Variants in ULK4 observed in about 807,000 individuals in gnomAD.
ULK4 encodes inactive serine/threonine-protein kinase ULK4.
ULK4 carries 133 observed loss-of-function variants against 160.6 expected under a neutral mutation model. That is an observed-to-expected ratio of 0.83 (90% CI 0.72 to 0.96). The LOEUF (loss-of-function observed/expected upper bound fraction) is 0.96, where lower values mean the gene tolerates loss of function less well. ULK4 is among the 40% of genes least tolerant of loss of function. The pLI is 0.00. For synonymous variants in ULK4, 534 were observed against 539.8 expected (o/e 0.99, Z 0.15); for missense variants, 1,580 against 1,499.5 (o/e 1.05, Z -0.89).
At chr3:41,405,130 T>C (rs939490030) in intron 34 of ULK4, among the ~76,000 whole-genome samples, 5 of 152,062 alleles carry the variant, frequency 3.3e-5, no homozygotes, top group African/African-American at 1.2e-4. Flanking sequence ...CCACCCTCTC[T>C]TTCTTTCCAA....
chr3:41,411,580 G>C (rs1431825534), intron 34 of ULK4, among the ~76,000 whole-genome samples: 1 of 151,722 alleles, frequency 6.6e-6, no homozygotes, highest in African/African-American at 2.4e-5. Context: ...GGGATTACAG[G>C]TGCCACCATG....
chr3:41,901,381 C>T (rs1396825838), intron 12 of ULK4, among the ~76,000 whole-genome samples: 4 of 150,884 alleles, frequency 2.7e-5, no homozygotes, highest in Non-Finnish European at 5.9e-5. Context: ...AGGGTTTCAC[C>T]GTGTTAGCCA....
At chr3:41,879,348 A>G (rs1261491294) in intron 17 of ULK4, among the ~76,000 whole-genome samples, 3 of 152,188 alleles carry the variant, frequency 2.0e-5, no homozygotes, top group African/African-American at 7.2e-5. Context: ...CTCCAGCAAG[A>G]AAGAGAGAGG....
chr3:41,890,243 T>C (rs2148778235), intron 16 of ULK4, among the ~76,000 whole-genome samples: 1 of 151,862 alleles, frequency 6.6e-6, no homozygotes, highest in South Asian at 2.1e-4. Context: ...TATACCTCAA[T>C]AAACAAGAGA....
At chr3:41,960,307 AGC>A (rs1204325267) in intron 1 of ULK4, among the ~76,000 whole-genome samples, 1 of 152,224 alleles carries the variant, frequency 6.6e-6, no homozygotes, top group African/African-American at 2.4e-5. Context: ...GTTACTTTCA[AGC>A]ATTTCTCCTC....
At chr3:41,480,075 C>T (rs1270049036) in intron 32 of ULK4, among the ~76,000 whole-genome samples, 9 of 151,872 alleles carry the variant, frequency 5.9e-5, no homozygotes, top group African/African-American at 1.2e-4. Flanking sequence ...GGCGTGGTGG[C>T]GGGCGCCTGT....
intron 21 of ULK4, among the ~76,000 whole-genome samples, chr3:41,785,285 C>G (rs905182293): frequency 6.6e-6 from 1 of 152,106 alleles, no homozygotes; most frequent in Admixed American, 6.5e-5. Flanking sequence ...CATTTAATGA[C>G]ATAGTAAAAT....
At chr3:41,307,933 T>A (rs1265645976) in intron 35 of ULK4, among the ~76,000 whole-genome samples, 1 of 152,180 alleles carries the variant, frequency 6.6e-6, no homozygotes, top group African/African-American at 2.4e-5. Context: ...GGAGCTGTTG[T>A]GGCTGCCTCA....
rs145177882 is a variant in ULK4 at position 41,932,468 on chromosome 3, T to G, written c.379-462A>C. On this transcript the variant is annotated intron_variant, in intron 4 of 36. Coordinates refer to ENST00000301831, the MANE Select transcript of ULK4 (RefSeq NM_017886.4). ...TACTTGCTGTCTGACCTTAAAGAATTTATTTAACCTTTCTAATCCCCAATC... is the reference window on the plus strand; with the variant it reads ...TACTTGCTGTCTGACCTTAAAGAATGTATTTAACCTTTCTAATCCCCAATC... Among the ~76,000 whole-genome samples, 1,295 of 152,282 alleles carry G rather than the reference T, an allele frequency of 8.5e-3. 16 individuals are homozygous for G. The highest frequency in any genetic ancestry group is 0.03 in the African/African-American group (1,246 of 41,550).
At chr3:41,849,483 TA>T (rs142772044) in intron 17 of ULK4, among the ~76,000 whole-genome samples, 2,612 of 152,174 alleles carry the variant, frequency 0.017, 35 homozygotes, top group Non-Finnish European at 0.024. Flanking sequence ...TGCCAGGGGT[TA>T]GGGGAAAGGA....
Position 41,564,172 on chromosome 3 carries a change from G to A in ULK4, c.3226+1853C>T, listed in dbSNP as rs528755949. 7.9e-5 allele frequency among the ~76,000 whole-genome samples: 12 copies of A among 152,260 alleles called. No individual in the cohort carries two copies. In the South Asian group the frequency reaches 2.5e-3, roughly 32 times the overall value. On this transcript the variant is annotated intron_variant, in intron 32 of 36. Coordinates refer to ENST00000301831, the MANE Select transcript of ULK4 (RefSeq NM_017886.4). ...TGGAGGTCCACTCCAGACCCTGTTT[G>A]CCTGGGTATCACCAGCGGAGGCTGC...
At chr3:41,351,096 C>T (rs1241417063) in intron 35 of ULK4, among the ~76,000 whole-genome samples, 1 of 152,174 alleles carries the variant, frequency 6.6e-6, no homozygotes, top group Non-Finnish European at 1.5e-5. Flanking sequence ...CACTGAAGCA[C>T]GTAGGACGGA....
At chr3:41,753,275 G>A (rs917563372) in intron 22 of ULK4, among the ~76,000 whole-genome samples, 21 of 151,880 alleles carry the variant, frequency 1.4e-4, no homozygotes, top group African/African-American at 2.4e-4. Flanking sequence ...GTATGTAATC[G>A]CCCCAATTTT....
At chr3:41,456,529 A>G (rs1054989233) in intron 33 of ULK4, among the ~76,000 whole-genome samples, 1 of 152,234 alleles carries the variant, frequency 6.6e-6, no homozygotes, top group African/African-American at 2.4e-5. Flanking sequence ...TTAGACTTAA[A>G]TGGCAATGAA....
intron 17 of ULK4, among the ~76,000 whole-genome samples, chr3:41,864,811 C>A (rs554832964): frequency 9.9e-5 from 15 of 152,140 alleles, no homozygotes; most frequent in Admixed American, 3.3e-4. Flanking sequence ...CTTCTCTGAT[C>A]TAAGACCAAT....
At chr3:41,798,076 G>C (rs765318851) in intron 20 of ULK4, among the ~76,000 whole-genome samples, 3 of 152,020 alleles carry the variant, frequency 2.0e-5, no homozygotes, top group Non-Finnish European at 2.9e-5. Flanking sequence ...TAAATGCTAA[G>C]AGCAAGTAAT....
chr3:41,322,464 C>A (rs563574427), intron 35 of ULK4, among the ~76,000 whole-genome samples: 1 of 152,302 alleles, frequency 6.6e-6, no homozygotes, highest in African/African-American at 2.4e-5. Flanking sequence ...TATGGATTCG[C>A]TGCTGCTAAC....
At chr3:41,431,613 T>C (rs1238008691) in intron 34 of ULK4, among the ~76,000 whole-genome samples, 4 of 145,252 alleles carry the variant, frequency 2.8e-5, no homozygotes, top group Non-Finnish European at 4.5e-5. Context: ...CATCTGTTAA[T>C]CAGTAAAGCC....
intron 17 of ULK4, among the ~76,000 whole-genome samples, chr3:41,868,677 T>C (rs1226133648): frequency 6.7e-6 from 1 of 148,842 alleles, no homozygotes; most frequent in Non-Finnish European, 1.5e-5. Context: ...ATTTTTTTTT[T>C]AGTAGAGACA....
Sources: gnomAD v4.1 joint callset for allele counts (sites outside exome capture counted in the v4.1 genomes callset) on GRCh38, gnomAD v4.1.1 for gene constraint, MANE v1.5 for transcripts, NCBI Gene and HGNC (gene_info 2026-07-23, HGNC 2026-07-21) for gene names.